The following DLGAP2 variants were observed in gnomAD, a reference collection of about 807,000 sequenced individuals.
DLGAP2 encodes DLG associated protein 2, also known as disks large-associated protein 2.
DLGAP2 carries 26 observed loss-of-function variants against 100.3 expected under a neutral mutation model. The ratio of observed to expected loss-of-function variants is 0.26; its 90% confidence interval spans 0.19 to 0.36. DLGAP2 has a LOEUF of 0.36. Ranked by LOEUF, DLGAP2 falls within the 10% of genes least tolerant of loss-of-function variation. DLGAP2 has a pLI of 1.00. For missense variants in DLGAP2, 1,858 were observed against 1,453.2 expected (o/e 1.28, Z -4.53); for synonymous variants, 886 against 630.1 (o/e 1.41, Z -6.08).
intron 2 of DLGAP2, among the ~76,000 whole-genome samples, chr8:1,082,314 T>A (rs544416473): frequency 6.6e-6 from 1 of 152,348 alleles, no homozygotes; most frequent in African/African-American, 2.4e-5. Context: ...TGATTTTTTA[T>A]CTCTCTTATT....
Position 1,313,998 on chromosome 8 carries a change from A to T in DLGAP2, c.106+55115A>T, listed in dbSNP as rs987357611. On this transcript the variant is annotated intron_variant, in intron 3 of 14. Coordinates refer to ENST00000637795, the MANE Select transcript of DLGAP2 (RefSeq NM_001346810.2). ...TACAATATTTCATAAAATCCTGTGA[A>T]ACTGTATGATACGAAACACGTGTTT... Among the ~76,000 whole-genome samples the T allele has an allele frequency of 2.0e-5, 3 of 152,184 alleles. No homozygotes were observed. In the East Asian group the frequency reaches 5.8e-4, roughly 29 times the overall value.
chr8:1,167,585 C>T (rs1362312232), intron 2 of DLGAP2, among the ~76,000 whole-genome samples: 1 of 152,172 alleles, frequency 6.6e-6, no homozygotes, highest in African/African-American at 2.4e-5. Flanking sequence ...AAGTGGCCCA[C>T]ATTGAGGTAA....
intron 3 of DLGAP2, among the ~76,000 whole-genome samples, chr8:1,266,093 C>G (rs7009459): frequency 0.03 from 4,617 of 152,254 alleles, 117 homozygotes; most frequent in South Asian, 0.08. Context: ...TAGAACCTCA[C>G]TGAAGGGAGT....
intron 3 of DLGAP2, among the ~76,000 whole-genome samples, chr8:1,489,809 G>C (rs1799326379): frequency 6.6e-6 from 1 of 152,158 alleles, no homozygotes. Context: ...ATAACACTTA[G>C]AAGCTTTCTA....
At chr8:1,191,058 G>T (rs545091554) in intron 2 of DLGAP2, among the ~76,000 whole-genome samples, 1 of 152,184 alleles carries the variant, frequency 6.6e-6, no homozygotes, top group African/African-American at 2.4e-5. Flanking sequence ...CACATCCCAC[G>T]GGGAGAGGCT....
At chr8:1,116,923 C>G (rs757235988) in intron 2 of DLGAP2, among the ~76,000 whole-genome samples, 7 of 152,206 alleles carry the variant, frequency 4.6e-5, no homozygotes, top group Non-Finnish European at 7.4e-5. Flanking sequence ...AAAGCAAAAC[C>G]TCTTCCGCAG....
chr8:1,582,024 AC>A (rs1356372919), intron 6 of DLGAP2, among the ~76,000 whole-genome samples: 3 of 135,534 alleles, frequency 2.2e-5, no homozygotes, highest in Non-Finnish European at 4.7e-5. Flanking sequence ...TACAGAAAAA[AC>A]CCCACACACG....
intron 1 of DLGAP2, chr8:738,043 C>T (rs1465821715): frequency 1.3e-5 from 4 of 297,874 alleles, no homozygotes; most frequent in East Asian, 5.6e-5. Context: ...TCGCCGGGCT[C>T]CGCGCATCCC....
At chr8:1,176,625 T>C (rs1477458049) in intron 2 of DLGAP2, among the ~76,000 whole-genome samples, 2 of 151,934 alleles carry the variant, frequency 1.3e-5, no homozygotes, top group Non-Finnish European at 2.9e-5. Context: ...CCTTGTGGGG[T>C]TGACGGGGAA....
chr8:1,343,446 T>G (rs1053549999), intron 3 of DLGAP2, among the ~76,000 whole-genome samples: 1 of 152,148 alleles, frequency 6.6e-6, no homozygotes, highest in African/African-American at 2.4e-5. Context: ...CCCAAGTGAC[T>G]GAGCCTAGAT....
intron 6 of DLGAP2, among the ~76,000 whole-genome samples, chr8:1,595,473 C>G (rs1385751610): frequency 1.3e-5 from 2 of 150,792 alleles, no homozygotes; most frequent in African/African-American, 4.9e-5. Context: ...ACCATCCTGG[C>G]TAACAAGGTG....
chr8:1,072,386 T>C (rs1335364039), intron 2 of DLGAP2, among the ~76,000 whole-genome samples: 1 of 152,224 alleles, frequency 6.6e-6, no homozygotes, highest in Non-Finnish European at 1.5e-5. Flanking sequence ...GGTCATCCAA[T>C]GAAAATTTGA....
rs1260534325 is a variant in DLGAP2 at position 1,422,682 on chromosome 8, G to T, written c.107-78684G>T. On this transcript the variant is annotated intron_variant, in intron 3 of 14. Coordinates refer to ENST00000637795, the MANE Select transcript of DLGAP2 (RefSeq NM_001346810.2). Reference sequence around the variant, plus strand: ...GGTGTGTGTTCCCTGCCCACCAGGGGGTGGTACACAGCAGGTGCTCGTTAA... The same window carrying T: ...GGTGTGTGTTCCCTGCCCACCAGGGTGTGGTACACAGCAGGTGCTCGTTAA... Among the ~76,000 whole-genome samples, 3 of 152,134 alleles carry T rather than the reference G, an allele frequency of 2.0e-5. No homozygotes were observed. The South Asian group carries it at 6.2e-4, about 31-fold the overall frequency.
intron 2 of DLGAP2, chr8:1,248,565 G>T (rs560105973): frequency 6.9e-6 from 1 of 145,750 alleles, no homozygotes; most frequent in African/African-American, 2.5e-5. Flanking sequence ...GATAGTCCAC[G>T]TCGGTGGCTC....
intron 6 of DLGAP2, among the ~76,000 whole-genome samples, chr8:1,607,518 T>C (rs568093208): frequency 5.9e-5 from 9 of 152,302 alleles, no homozygotes; most frequent in African/African-American, 2.2e-4. Flanking sequence ...TTGAGGAAAA[T>C]AAGATTTTTA....
chr8:1,321,668 A>T (rs1800905203), intron 3 of DLGAP2, among the ~76,000 whole-genome samples: 2 of 152,226 alleles, frequency 1.3e-5, no homozygotes, highest in South Asian at 4.1e-4. Context: ...TCTTATCAGG[A>T]TGTTTAAAAT....
chr8:946,986 A>G (rs2129006598), intron 2 of DLGAP2, among the ~76,000 whole-genome samples: 1 of 152,186 alleles, frequency 6.6e-6, no homozygotes, highest in African/African-American at 2.4e-5. Context: ...TAGCAGCACC[A>G]CCTGCTGGAC....
At chr8:854,580 G>C (rs1207442231) in intron 1 of DLGAP2, among the ~76,000 whole-genome samples, 1 of 149,994 alleles carries the variant, frequency 6.7e-6, no homozygotes. Flanking sequence ...ATATGTTTGT[G>C]TGTTCATGTT....
chr8:996,060 G>C (rs1437984109), intron 2 of DLGAP2, among the ~76,000 whole-genome samples: 1 of 152,160 alleles, frequency 6.6e-6, no homozygotes, highest in Non-Finnish European at 1.5e-5. Context: ...AGACTCAGGA[G>C]AAATCCAACC....
Sources: gnomAD v4.1 joint callset for allele counts (sites outside exome capture counted in the v4.1 genomes callset) on GRCh38, gnomAD v4.1.1 for gene constraint, MANE v1.5 for transcripts, NCBI Gene and HGNC (gene_info 2026-07-23, HGNC 2026-07-21) for gene names.